The following EPHA6 variants were observed in gnomAD, a reference collection of about 807,000 sequenced individuals.
The protein encoded by EPHA6 is ephrin type-A receptor 6.
Under a neutral mutation model 112.0 loss-of-function variants are expected in EPHA6, and 50 were observed. The ratio of observed to expected loss-of-function variants is 0.45; its 90% confidence interval spans 0.36 to 0.56. The LOEUF (loss-of-function observed/expected upper bound fraction) is 0.56, where lower values mean the gene tolerates loss of function less well. Ranked by LOEUF, EPHA6 falls within the 20% of genes least tolerant of loss-of-function variation. The pLI is 0.00. For synonymous variants in EPHA6, 529 were observed against 490.7 expected (o/e 1.08, Z -1.03); for missense variants, 1,280 against 1,417.4 (o/e 0.90, Z 1.56).
intron 9 of EPHA6, among the ~76,000 whole-genome samples, chr3:97,482,015 T>A (rs1248238663): frequency 6.6e-6 from 1 of 152,078 alleles, no homozygotes; most frequent in Admixed American, 6.5e-5. Context: ...GCCAAGGAGG[T>A]AGAAGAAAGT....
At chr3:97,625,658 T>C (rs986873562) in intron 13 of EPHA6, among the ~76,000 whole-genome samples, 1 of 151,746 alleles carries the variant, frequency 6.6e-6, no homozygotes, top group Admixed American at 6.6e-5. Flanking sequence ...TTCAATTCTG[T>C]CAATTTTTGT....
intron 5 of EPHA6, 32 bp downstream of exon 5, chr3:97,244,319 C>T: frequency 6.3e-7 from 1 of 1,581,826 alleles, no homozygotes. Flanking sequence ...TCAAAACAGA[C>T]CCATAATTTC....
rs1441736457 is a variant in EPHA6, at chr3:96,987,837, T to G, written c.958T>G (p.Ser320Ala). ...MFPDTIPRVD[S>A]SSLVEVRGSC... ...TCCTGATACCATTCCAAGGGTTGATTCCTCCTCTTTGGTTGAAGTACGGGG... is the reference window on the plus strand; with the variant it reads ...TCCTGATACCATTCCAAGGGTTGATGCCTCCTCTTTGGTTGAAGTACGGGG... Residue 320 changes from serine (S) to alanine (A), a missense_variant, in exon 3 of 18, where the codon TCC becomes GCC. Coordinates refer to ENST00000389672, the MANE Select transcript of EPHA6 (RefSeq NM_001080448.3). 6.8e-6 allele frequency: 11 copies of G among 1,613,828 alleles called. No homozygotes were observed. Among genetic ancestry groups the G allele is most frequent in the Non-Finnish European group, 9.3e-6 (11 of 1,179,890 alleles).
At chr3:97,677,398 G>A (rs2107673186) in intron 14 of EPHA6, among the ~76,000 whole-genome samples, 1 of 152,242 alleles carries the variant, frequency 6.6e-6, no homozygotes, top group Middle Eastern at 3.4e-3. Context: ...AAGGATTATT[G>A]GAGACATCCT....
At chr3:97,258,418 A>G (rs142089416) in intron 5 of EPHA6, among the ~76,000 whole-genome samples, 47 of 152,224 alleles carry the variant, frequency 3.1e-4, no homozygotes, top group African/African-American at 1.1e-3. Context: ...CATTCTGTTT[A>G]TAGATTCACC....
intron 5 of EPHA6, among the ~76,000 whole-genome samples, chr3:97,383,343 A>G (rs2085862127): frequency 6.6e-6 from 1 of 152,106 alleles, no homozygotes; most frequent in Non-Finnish European, 1.5e-5. Context: ...GAAACACTGA[A>G]TGAAGGGCAT....
At chr3:97,609,944 T>A (rs2093705776) in intron 12 of EPHA6, among the ~76,000 whole-genome samples, 1 of 151,552 alleles carries the variant, frequency 6.6e-6, no homozygotes, top group Admixed American at 6.6e-5. Flanking sequence ...AGTTTATCTT[T>A]TAAACTTGGG....
At chr3:97,640,163 G>A (rs1266633590) in intron 14 of EPHA6, among the ~76,000 whole-genome samples, 1 of 152,102 alleles carries the variant, frequency 6.6e-6, no homozygotes, top group Non-Finnish European at 1.5e-5. Context: ...AAAAGCAGAG[G>A]CTGAAGAAGG....
chr3:97,018,457 T>G (rs949709421), intron 3 of EPHA6, among the ~76,000 whole-genome samples: 1 of 152,042 alleles, frequency 6.6e-6, no homozygotes, highest in Non-Finnish European at 1.5e-5. Context: ...AGGGGCAGGA[T>G]AAGGAGAGTG....
chr3:97,284,268 C>T (rs2080389093), intron 5 of EPHA6, among the ~76,000 whole-genome samples: 1 of 151,926 alleles, frequency 6.6e-6, no homozygotes, highest in African/African-American at 2.4e-5. Flanking sequence ...AATCTGTGCC[C>T]TTTTGTTACT....
intron 3 of EPHA6, among the ~76,000 whole-genome samples, chr3:97,216,468 C>T (rs1166077559): frequency 6.6e-6 from 1 of 152,148 alleles, no homozygotes; most frequent in Non-Finnish European, 1.5e-5. Flanking sequence ...ACATCAATGT[C>T]AACAAATTTC....
chr3:97,446,066 C>T (rs1171312100), intron 6 of EPHA6, among the ~76,000 whole-genome samples: 5 of 152,122 alleles, frequency 3.3e-5, no homozygotes, highest in East Asian at 1.9e-4. Flanking sequence ...GGAGTTGATG[C>T]GTCAGCAGAA....
intron 3 of EPHA6, among the ~76,000 whole-genome samples, chr3:97,023,059 C>T (rs576271685): frequency 6.6e-6 from 1 of 152,228 alleles, no homozygotes; most frequent in African/African-American, 2.4e-5. Flanking sequence ...AATAAAGTAT[C>T]TGTGGATCCA....
At chr3:97,647,881 A>G (rs2094077741) in intron 14 of EPHA6, among the ~76,000 whole-genome samples, 1 of 152,158 alleles carries the variant, frequency 6.6e-6, no homozygotes, top group African/African-American at 2.4e-5. Flanking sequence ...GCTCTCAATT[A>G]TGGAAATGAG....
intron 10 of EPHA6, among the ~76,000 whole-genome samples, chr3:97,525,762 A>G (rs1321944144): frequency 1.3e-5 from 2 of 152,148 alleles, no homozygotes; most frequent in Admixed American, 1.3e-4. Flanking sequence ...TGCAGTTGGC[A>G]GTGTTGTTAC....
intron 6 of EPHA6, among the ~76,000 whole-genome samples, chr3:97,410,438 GA>G (rs2087640726): frequency 1.3e-5 from 2 of 152,050 alleles, no homozygotes; most frequent in Admixed American, 6.6e-5. Context: ...GGGAGGAAGA[GA>G]ATTTTATCTT....
intron 13 of EPHA6, among the ~76,000 whole-genome samples, chr3:97,630,787 A>C (rs562308360): frequency 1.3e-5 from 2 of 152,156 alleles, no homozygotes; most frequent in African/African-American, 4.8e-5. Context: ...GCCCCGGGCA[A>C]AAATTTTAAG....
chr3:97,320,900 A>T (rs1197300395), intron 5 of EPHA6, among the ~76,000 whole-genome samples: 1 of 151,814 alleles, frequency 6.6e-6, no homozygotes, highest in Non-Finnish European at 1.5e-5. Context: ...CCATCTCAAA[A>T]ATTAATTTTC....
chr3:97,279,374 A>G (rs1365617667), intron 5 of EPHA6, among the ~76,000 whole-genome samples: 2 of 152,180 alleles, frequency 1.3e-5, no homozygotes, highest in African/African-American at 4.8e-5. Flanking sequence ...GTGCTATTTT[A>G]TAAGAAGAAA....
Sources: gnomAD v4.1 joint callset for allele counts (sites outside exome capture counted in the v4.1 genomes callset) on GRCh38, gnomAD v4.1.1 for gene constraint, MANE v1.5 for transcripts, NCBI Gene and HGNC (gene_info 2026-07-23, HGNC 2026-07-21) for gene names.